MAN2B2: variants seen among roughly 807,000 people sequenced by gnomAD.
The protein encoded by MAN2B2 is epididymis-specific alpha-mannosidase.
Under a neutral mutation model 117.1 loss-of-function variants are expected in MAN2B2, and 106 were observed. That is an observed-to-expected ratio of 0.90 (90% confidence interval 0.77 to 1.06). The LOEUF (loss-of-function observed/expected upper bound fraction) is 1.06. Ranked by LOEUF, MAN2B2 falls within the 50% of genes least tolerant of loss-of-function variation. The pLI is 0.00. For missense variants in MAN2B2, 1,326 were observed against 1,381.4 expected (o/e 0.96, Z 0.64); for synonymous variants, 544 against 595.1 (o/e 0.91, Z 1.25).
chr4:6,582,816 C>T (rs1477187680), intron 3 of MAN2B2, among the ~76,000 whole-genome samples: 1 of 151,736 alleles, frequency 6.6e-6, no homozygotes, highest in African/African-American at 2.4e-5. Context: ...CACCCCCCAC[C>T]ACCTCCCACT....
chr4:6,579,280 CCATCACCATCACCACCACCAT>C (rs1726291463), intron 3 of MAN2B2, among the ~76,000 whole-genome samples: 1 of 89,858 alleles, frequency 1.1e-5, no homozygotes, highest in African/African-American at 4.5e-5. Flanking sequence ...ATCACCACCA[CCATCACCATCACCACCACCAT>C]CACCACCACC....
chr4:6,598,327 C>G lies in MAN2B2; in HGVS notation c.1378C>G (p.Pro460Ala), dbSNP rs200596690. Residue 460 changes from proline (P) to alanine (A), a missense_variant, in exon 9 of 19, where the codon CCC becomes GCC. Coordinates refer to ENST00000285599, the MANE Select transcript of MAN2B2 (RefSeq NM_015274.3). The stretch of plus-strand genomic sequence containing the variant: ...CTCCATCGTCCTAGATGAGCTCCAG[C>G]CCCAGGCACCCATGGCGGCCAGCTC... ...MASIVLDELQ[P>A]QAPMAASSDA... is the part of the protein sequence containing the mutation. The G allele has an allele frequency of 3.1e-6, 5 of 1,613,040 alleles. No homozygotes were observed. The highest frequency in any genetic ancestry group is 4.2e-6 in the Non-Finnish European group (5 of 1,179,782).
At chr4:6,619,686 G>A (rs568433579) in intron 17 of MAN2B2, 12 of 430,354 alleles carry the variant, frequency 2.8e-5, no homozygotes, top group Middle Eastern at 6.5e-4. Context: ...CCTCCAGCTC[G>A]GCCACCTGGT....
intron 3 of MAN2B2, among the ~76,000 whole-genome samples, chr4:6,580,260 GC>G (rs1726375866): frequency 6.6e-6 from 1 of 152,162 alleles, no homozygotes; most frequent in Admixed American, 6.5e-5. Context: ...CAGGAGCTCA[GC>G]CCCTGCTTGT....
rs150044496 is a variant in MAN2B2 at position 6,621,556 on chromosome 4, C to T, written c.*271C>T. On this transcript the variant is annotated 3_prime_UTR_variant, in exon 19 of 19. Coordinates refer to ENST00000285599, the MANE Select transcript of MAN2B2 (RefSeq NM_015274.3). ...GTAAAGGATATTTGGCACACTCATG[C>T]GTCATTCATTCACAAAACACAAACC... 6.7e-4 allele frequency: 241 copies of T among 361,462 alleles called. 2 individuals carry two copies. Among genetic ancestry groups the T allele is most frequent in the African/African-American group, 3.3e-3 (160 of 48,310 alleles). The allele number at this position is 361,462 out of a possible 1,614,324, so 22.4% of individuals were successfully genotyped here. A position where few individuals can be genotyped will look rare whatever the true frequency, so the allele number is the denominator to read the frequency against.
chr4:6,609,477 C>A lies in MAN2B2; in HGVS notation c.2006+179C>A, dbSNP rs531462102. The A allele has an allele frequency of 8.8e-6, 6 of 683,226 alleles. No individual in the cohort carries two copies. The East Asian group carries it at 1.1e-4, about 12-fold the overall frequency. The allele number at this position is 683,226 out of a possible 1,614,324, so 42.3% of individuals were successfully genotyped here. ...TGCATGCTGGCTGCGTTTGCGTGTG[C>A]TGTGTCACGTTGGTTGGGAGCTAAG... On this transcript the variant is annotated intron_variant, in intron 12 of 18. Transcript: ENST00000285599.
intron 5 of MAN2B2, among the ~76,000 whole-genome samples, chr4:6,590,894 A>G (rs1726832238): frequency 6.6e-6 from 1 of 152,188 alleles, no homozygotes; most frequent in Admixed American, 6.5e-5. Flanking sequence ...CACACCTGTA[A>G]TCCCAGCACT....
intron 10 of MAN2B2, among the ~76,000 whole-genome samples, chr4:6,603,240 G>A (rs181556434): frequency 4.6e-5 from 7 of 152,102 alleles, no homozygotes; most frequent in African/African-American, 1.7e-4. Context: ...TCCAGAGGGC[G>A]CCAGACACGC....
rs779127616 is a variant in MAN2B2 at position 6,617,524 on chromosome 4, G to T, written c.2814+32G>T. On this transcript the variant is annotated intron_variant, in intron 17 of 18. Transcript: ENST00000285599. Reference sequence around the variant, plus strand: ...TTCCCCACCCCCATCCAGACCATAAGCCAGGGAAGCAAACCCTAGATGAAG... The same window carrying T: ...TTCCCCACCCCCATCCAGACCATAATCCAGGGAAGCAAACCCTAGATGAAG... 7.4e-5 allele frequency: 119 copies of T among 1,612,198 alleles called. No individual in the cohort carries two copies. In the South Asian group the frequency reaches 1.2e-3, roughly 16 times the overall value.
intron 2 of MAN2B2, 41 bp downstream of exon 2, chr4:6,576,765 G>A: frequency 6.2e-7 from 1 of 1,605,404 alleles, no homozygotes; most frequent in East Asian, 2.2e-5. Flanking sequence ...CCAGTATCCT[G>A]GCAAAGACCC....
At chr4:6,598,448 C>CT in intron 9 of MAN2B2, 94 bp downstream of exon 9, 1 of 1,347,430 alleles carries the variant, frequency 7.4e-7, no homozygotes, top group Non-Finnish European at 1.0e-6. Flanking sequence ...GCTTCAGACT[C>CT]TGAGTCCACA....
intron 9 of MAN2B2, 132 bp from the exon 10 acceptor site, chr4:6,600,491 G>C (rs1185572885): frequency 1.9e-6 from 2 of 1,062,854 alleles, no homozygotes; most frequent in African/African-American, 3.1e-5. Flanking sequence ...CCCCCTTCCT[G>C]GCTCCCCTGG....
intron 6 of MAN2B2, among the ~76,000 whole-genome samples, chr4:6,593,714 G>A (rs950112513): frequency 1.1e-4 from 16 of 152,254 alleles, no homozygotes; most frequent in Non-Finnish European, 2.2e-4. Flanking sequence ...GAGAGGTGAA[G>A]CGTTCCCGGG....
In MAN2B2 at chr4:6,586,962, T is replaced by C. The variant is rs375468867; in HGVS notation, c.392-34T>C. 2.7e-5 allele frequency: 43 copies of C among 1,595,060 alleles called. No individual in the cohort carries two copies. In the African/African-American group the frequency reaches 4.9e-4, roughly 18 times the overall value. Reference sequence around the variant, plus strand: ...GGGGCCGGGAGGCACAGGCCCGCCCTCCAGGCACCAGCAGGGTGTTGCTGT... The same window carrying C: ...GGGGCCGGGAGGCACAGGCCCGCCCCCCAGGCACCAGCAGGGTGTTGCTGT... On this transcript the variant is annotated intron_variant, in intron 3 of 18. Transcript: ENST00000285599.
chr4:6,598,042 C>T (rs1158937520), intron 8 of MAN2B2, among the ~76,000 whole-genome samples, 156 bp from the exon 9 acceptor site: 1 of 152,234 alleles, frequency 6.6e-6, no homozygotes, highest in Non-Finnish European at 1.5e-5. Context: ...TTCTCTTGGC[C>T]TCAGTTCCTC....
chr4:6,596,539 G>C (rs1049752796), intron 7 of MAN2B2, among the ~76,000 whole-genome samples: 1 of 152,072 alleles, frequency 6.6e-6, no homozygotes, highest in Non-Finnish European at 1.5e-5. Context: ...TGGGCCCTGG[G>C]CATCCTCATC....
intron 11 of MAN2B2, among the ~76,000 whole-genome samples, chr4:6,608,650 G>A (rs912675735): frequency 2.0e-5 from 3 of 152,178 alleles, no homozygotes; most frequent in Non-Finnish European, 4.4e-5. Context: ...GGAGTGGGAT[G>A]GGTTAACAGT....
chr4:6,609,719 A>AC, intron 12 of MAN2B2, 79 bp from the exon 13 acceptor site: 3 of 603,192 alleles, frequency 5.0e-6, no homozygotes, highest in Non-Finnish European at 8.8e-6. Context: ...CACCCTGCCC[A>AC]CATGAAGGAA....
At chr4:6,609,024 T>C in intron 11 of MAN2B2, 83 bp from the exon 12 acceptor site, 6 of 1,338,980 alleles carry the variant, frequency 4.5e-6, no homozygotes, top group Non-Finnish European at 5.2e-6. Context: ...TCAGATGGCA[T>C]CTGGAGAGAG....
Sources: allele counts gnomAD v4.1 joint callset (sites outside exome capture counted in the v4.1 genomes callset), GRCh38; gene constraint gnomAD v4.1.1; transcripts MANE v1.5; gene names NCBI Gene and HGNC (gene_info 2026-07-23, HGNC 2026-07-21).